The following ATP2B2 variants were observed in gnomAD, a reference collection of about 807,000 sequenced individuals.
ATP2B2 encodes the protein plasma membrane calcium-transporting ATPase 2.
ATP2B2 carries 15 observed loss-of-function variants against 120.0 expected under a neutral mutation model. The observed-to-expected ratio is 0.12, with a 90% CI of 0.08 to 0.19. ATP2B2 has a LOEUF of 0.19. ATP2B2 is among the 10% of genes least tolerant of loss of function. The pLI is 1.00. For missense variants in ATP2B2, 1,045 were observed against 1,719.8 expected, an observed-to-expected ratio of 0.61 and a Z score of 6.94; for synonymous variants, 694 against 700.3, an observed-to-expected ratio of 0.99 and a Z score of 0.14.
In ATP2B2 at chr3:10,703,361, T is replaced by C. The variant is rs553737317; in HGVS notation, c.-460+4554A>G. On this transcript the variant is annotated intron_variant, in intron 1 of 21. Transcript: ENST00000646379. ...GGCAGGACCTCCACATGGTCTTCCTTCTAGGGAATCAGTTAGTAGGCCCCC... is the reference window on the plus strand; with the variant it reads ...GGCAGGACCTCCACATGGTCTTCCTCCTAGGGAATCAGTTAGTAGGCCCCC... Among the ~76,000 whole-genome samples, 13 of 152,288 alleles carry C rather than the reference T, an allele frequency of 8.5e-5. No individual in the cohort carries two copies. In the South Asian group the frequency reaches 2.7e-3, roughly 32 times the overall value.
intron 2 of ATP2B2, among the ~76,000 whole-genome samples, chr3:10,579,814 A>G (rs1012351232): frequency 1.5e-5 from 2 of 134,286 alleles, no homozygotes; most frequent in African/African-American, 7.7e-5. Context: ...CGTCTTGAAA[A>G]CAAAACAAAA....
intron 2 of ATP2B2, among the ~76,000 whole-genome samples, chr3:10,595,710 T>C (rs574343109): frequency 6.6e-6 from 1 of 152,344 alleles, no homozygotes; most frequent in East Asian, 1.9e-4. Flanking sequence ...GCTTGGAAAT[T>C]TTGTTTTGAG....
At chr3:10,481,166 C>G (rs892905861) in intron 1 of ATP2B2, among the ~76,000 whole-genome samples, 2 of 152,230 alleles carry the variant, frequency 1.3e-5, no homozygotes, top group Non-Finnish European at 2.9e-5. Flanking sequence ...CCAGCCATAC[C>G]TGAAGCCAAC....
intron 1 of ATP2B2, among the ~76,000 whole-genome samples, chr3:10,647,413 G>C (rs1045511145): frequency 7.2e-5 from 11 of 152,266 alleles, no homozygotes; most frequent in African/African-American, 2.2e-4. Context: ...TTCTTCTCTC[G>C]CTTCCCCTAA....
intron 2 of ATP2B2, among the ~76,000 whole-genome samples, chr3:10,538,978 C>T (rs1435597367): frequency 1.3e-5 from 2 of 152,168 alleles, no homozygotes; most frequent in East Asian, 3.8e-4. Flanking sequence ...TAGAAAACCC[C>T]ATCATCTCAG....
At chr3:10,355,363 G>GT (rs2060685408) in intron 14 of ATP2B2, among the ~76,000 whole-genome samples, 1 of 152,144 alleles carries the variant, frequency 6.6e-6, no homozygotes, top group African/African-American at 2.4e-5. Flanking sequence ...CTGTGAGACA[G>GT]TTTATGACTC....
intron 1 of ATP2B2, among the ~76,000 whole-genome samples, chr3:10,494,276 T>C (rs747906168): frequency 2.0e-5 from 3 of 152,168 alleles, no homozygotes; most frequent in Admixed American, 6.5e-5. Context: ...TTCATAGAGA[T>C]TCCCTTGCAT....
At chr3:10,362,872 A>T (rs1008214143) in intron 12 of ATP2B2, among the ~76,000 whole-genome samples, 9 of 152,198 alleles carry the variant, frequency 5.9e-5, no homozygotes, top group African/African-American at 1.9e-4. Flanking sequence ...ATATACATAT[A>T]TATATATATC....
intron 22 of ATP2B2, chr3:10,335,989 T>C: frequency 9.4e-7 from 1 of 1,060,908 alleles, no homozygotes; most frequent in South Asian, 1.6e-5. Flanking sequence ...AACGGGACCC[T>C]CTTCGGTGGC....
intron 1 of ATP2B2, among the ~76,000 whole-genome samples, chr3:10,678,551 A>G (rs2071303152): frequency 2.6e-5 from 4 of 152,164 alleles, no homozygotes; most frequent in African/African-American, 9.7e-5. Flanking sequence ...CTTCTCCTAG[A>G]AGGGGCCTGG....
chr3:10,537,007 A>C (rs983144411), intron 2 of ATP2B2, among the ~76,000 whole-genome samples: 5 of 152,026 alleles, frequency 3.3e-5, no homozygotes, highest in South Asian at 2.1e-4. Flanking sequence ...TATCATCTTT[A>C]CTCCATTGAA....
intron 2 of ATP2B2, among the ~76,000 whole-genome samples, chr3:10,428,125 C>T (rs1174979136): frequency 6.6e-6 from 1 of 152,196 alleles, no homozygotes; most frequent in Non-Finnish European, 1.5e-5. Context: ...GGCCTTGCTG[C>T]GTATGGCCTG....
At chr3:10,486,321 G>A (rs538757518) in intron 1 of ATP2B2, among the ~76,000 whole-genome samples, 11 of 18,472 alleles carry the variant, frequency 6.0e-4, no homozygotes, top group South Asian at 3.0e-3. Flanking sequence ...GTGTGTGTGC[G>A]TGCGTGTGTG....
At position 10,469,392 on chromosome 3, in the gene ATP2B2, G is replaced by T. The variant is rs555408976; in HGVS notation, c.-319-19530C>A. Among the ~76,000 whole-genome samples, 4 of 152,336 alleles carry T rather than the reference G, an allele frequency of 2.6e-5. No individual in the cohort carries two copies. In the South Asian group the frequency reaches 8.3e-4, roughly 32 times the overall value. ...GTCACTCAGAACACAGCGGAGCTGG[G>T]ATGGATACTCAATACAGCATTTGTT... On this transcript the variant is annotated intron_variant, in intron 1 of 22. Transcript: ENST00000360273.
chr3:10,523,599 C>G (rs1201596942), intron 3 of ATP2B2, among the ~76,000 whole-genome samples: 1 of 152,210 alleles, frequency 6.6e-6, no homozygotes, highest in Non-Finnish European at 1.5e-5. Flanking sequence ...TATGCAGCAG[C>G]ACCTCTGACA....
chr3:10,568,863 T>G (rs2068064698), intron 2 of ATP2B2, among the ~76,000 whole-genome samples: 1 of 152,212 alleles, frequency 6.6e-6, no homozygotes. Flanking sequence ...TTTCCCTGCC[T>G]GGCTTTTGTT....
intron 1 of ATP2B2, among the ~76,000 whole-genome samples, chr3:10,654,266 G>A (rs566775041): frequency 3.9e-5 from 6 of 152,210 alleles, no homozygotes; most frequent in East Asian, 1.9e-4. Flanking sequence ...TACTGTATCC[G>A]TGCCTCTGTC....
intron 2 of ATP2B2, among the ~76,000 whole-genome samples, chr3:10,601,414 G>C (rs995619695): frequency 6.6e-6 from 1 of 152,100 alleles, no homozygotes; most frequent in African/African-American, 2.4e-5. Context: ...GGGGAGGGAG[G>C]CCTTGCCTGA....
At chr3:10,383,799 T>A (rs977668959) in intron 8 of ATP2B2, among the ~76,000 whole-genome samples, 1 of 152,180 alleles carries the variant, frequency 6.6e-6, no homozygotes, top group Admixed American at 6.5e-5. Context: ...TTTCCTACAG[T>A]TTCTCTTGGG....
Sources: allele counts gnomAD v4.1 joint callset (sites outside exome capture counted in the v4.1 genomes callset), GRCh38; gene constraint gnomAD v4.1.1; transcripts MANE v1.5; gene names NCBI Gene and HGNC (gene_info 2026-07-23, HGNC 2026-07-21).